DOCK8: variants seen among roughly 807,000 people sequenced by gnomAD.
The protein encoded by DOCK8 is dedicator of cytokinesis protein 8.
In DOCK8, 141 loss-of-function variants were observed where a neutral mutation model predicts 245.6. That is an observed-to-expected ratio of 0.57 (90% CI 0.50 to 0.66). The LOEUF is 0.66. DOCK8 is among the 30% of genes least tolerant of loss of function. DOCK8 has a pLI of 0.00. For missense variants in DOCK8, 2,965 were observed against 2,603.4 expected (o/e 1.14, Z -3.02); for synonymous variants, 1,168 against 970.2 (o/e 1.20, Z -3.79).
At chr9:348,512 T>C (rs896456320) in intron 14 of DOCK8, among the ~76,000 whole-genome samples, 43 of 152,160 alleles carry the variant, frequency 2.8e-4, no homozygotes, top group African/African-American at 9.4e-4. Context: ...GTCCTTTACA[T>C]AGAATTCAGC....
chr9:392,379 A>T (rs956514212), intron 24 of DOCK8, among the ~76,000 whole-genome samples: 2 of 152,218 alleles, frequency 1.3e-5, no homozygotes, highest in African/African-American at 4.8e-5. Flanking sequence ...TTCAAATCCC[A>T]TGAAGTTTTG....
chr9:335,387 C>T (rs17722518), intron 11 of DOCK8, among the ~76,000 whole-genome samples: 14,127 of 152,162 alleles, frequency 0.093, 766 homozygotes, highest in African/African-American at 0.15. Flanking sequence ...ATGTTCACAT[C>T]TTTTCATGCA....
chr9:231,219 T>C (rs1587625785), intron 1 of DOCK8, among the ~76,000 whole-genome samples: 2 of 152,228 alleles, frequency 1.3e-5, no homozygotes, highest in African/African-American at 4.8e-5. Context: ...TGTAGATATG[T>C]GGCATTATTT....
chr9:400,158 C>T lies in DOCK8; in HGVS notation c.3234+899C>T, dbSNP rs1366110935. On this transcript the variant is annotated intron_variant, in intron 26 of 47. Coordinates refer to ENST00000432829, the MANE Select transcript of DOCK8 (RefSeq NM_203447.4). ...TCACCACCACCTCCACCATCACCACCACCACCACCTCCACCATCACCACCT... is the reference window on the plus strand; with the variant it reads ...TCACCACCACCTCCACCATCACCACTACCACCACCTCCACCATCACCACCT... Among the ~76,000 whole-genome samples the T allele has an allele frequency of 1.1e-3, 75 of 67,140 alleles. 2 individuals carry two copies. The highest frequency in any genetic ancestry group is 1.7e-3 in the Non-Finnish European group (56 of 33,642). 44.0% of individuals were successfully genotyped at this position (67,140 alleles called of 152,430 possible). A position where few individuals can be genotyped will look rare whatever the true frequency, so the allele number is the denominator to read the frequency against.
intron 1 of DOCK8, among the ~76,000 whole-genome samples, chr9:270,849 T>G (rs2048144684): frequency 6.6e-6 from 1 of 152,176 alleles, no homozygotes; most frequent in Non-Finnish European, 1.5e-5. Flanking sequence ...AGCCTGAGAA[T>G]CCAACCACCA....
chr9:436,676 C>T (rs1435171475), intron 39 of DOCK8, among the ~76,000 whole-genome samples: 2 of 152,156 alleles, frequency 1.3e-5, no homozygotes, highest in Non-Finnish European at 2.9e-5. Context: ...ATCATTATTA[C>T]ACAATCAACA....
At chr9:394,719 G>C (rs2054365891) in intron 24 of DOCK8, among the ~76,000 whole-genome samples, 1 of 152,218 alleles carries the variant, frequency 6.6e-6, no homozygotes, top group South Asian at 2.1e-4. Flanking sequence ...GGGTTCTTTA[G>C]AGGTACCCTT....
chr9:419,467 C>T (rs975424725), intron 30 of DOCK8, among the ~76,000 whole-genome samples: 16 of 152,192 alleles, frequency 1.1e-4, no homozygotes, highest in African/African-American at 3.9e-4. Flanking sequence ...GGGAAAAACT[C>T]AAAAGCCCAA....
chr9:307,647 C>T (rs1044993485), intron 5 of DOCK8, among the ~76,000 whole-genome samples: 26 of 151,886 alleles, frequency 1.7e-4, no homozygotes, highest in Admixed American at 1.2e-3. Flanking sequence ...TGTGAGCCAC[C>T]GCACCCGGCC....
chr9:441,619 C>T (rs1564073390), intron 41 of DOCK8, among the ~76,000 whole-genome samples: 1 of 152,200 alleles, frequency 6.6e-6, no homozygotes, highest in Non-Finnish European at 1.5e-5. Context: ...GCTTAAATTA[C>T]TTTATAACCA....
chr9:353,497 C>G (rs1448394593), intron 14 of DOCK8, among the ~76,000 whole-genome samples: 1 of 152,172 alleles, frequency 6.6e-6, no homozygotes, highest in South Asian at 2.1e-4. Flanking sequence ...AAATATCAGC[C>G]TCAGCACCAG....
At chr9:282,531 T>C (rs10967825) in intron 2 of DOCK8, among the ~76,000 whole-genome samples, 76,573 of 149,814 alleles carry the variant, frequency 0.51, 20,383 homozygotes, top group African/African-American at 0.67. Flanking sequence ...GTTTCTCCCA[T>C]CTCAGCCTTT....
chr9:424,062 C>G (rs2056386986), intron 33 of DOCK8, among the ~76,000 whole-genome samples: 1 of 147,144 alleles, frequency 6.8e-6, no homozygotes, highest in African/African-American at 2.5e-5. Flanking sequence ...GGGCTTTGTG[C>G]TTTTTTTTTT....
At chr9:406,259 CA>C (rs2055411329) in intron 27 of DOCK8, among the ~76,000 whole-genome samples, 1 of 151,902 alleles carries the variant, frequency 6.6e-6, no homozygotes. Flanking sequence ...CTTCGGAGGC[CA>C]AAGGGAGTGG....
At chr9:371,600 AGTT>A (rs745586332) in intron 17 of DOCK8, 34 bp downstream of exon 17, 2 of 1,613,732 alleles carry the variant, frequency 1.2e-6, no homozygotes, top group African/African-American at 2.7e-5. Flanking sequence ...CTCACACTGC[AGTT>A]GTTGGTGCAT....
At chr9:409,457 C>A (rs1169847998) in intron 28 of DOCK8, among the ~76,000 whole-genome samples, 1 of 152,142 alleles carries the variant, frequency 6.6e-6, no homozygotes, top group East Asian at 1.9e-4. Flanking sequence ...AGCCACAGTG[C>A]AAGAGTCTGA....
chr9:398,082 G>A (rs573015111), intron 25 of DOCK8, among the ~76,000 whole-genome samples: 7 of 152,258 alleles, frequency 4.6e-5, no homozygotes, highest in East Asian at 1.9e-4. Context: ...ATTTTCATTC[G>A]GTTATTCCTC....
At chr9:368,492 C>T (rs2053122504) in intron 15 of DOCK8, 2 of 590,552 alleles carry the variant, frequency 3.4e-6, no homozygotes, top group African/African-American at 1.9e-5. Flanking sequence ...CTTCCATGCA[C>T]AAACTGTACA....
chr9:328,656 G>A (rs1227701161), intron 9 of DOCK8, among the ~76,000 whole-genome samples: 1 of 152,042 alleles, frequency 6.6e-6, no homozygotes. Flanking sequence ...GAGATGCATA[G>A]TTACGTGTTC....
Sources: allele counts gnomAD v4.1 joint callset (sites outside exome capture counted in the v4.1 genomes callset), GRCh38; gene constraint gnomAD v4.1.1; transcripts MANE v1.5; gene names NCBI Gene and HGNC (gene_info 2026-07-23, HGNC 2026-07-21).